Variants in HACE1 observed in about 807,000 individuals in gnomAD.
HACE1 encodes the protein E3 ubiquitin-protein ligase HACE1.
In HACE1, 73 loss-of-function variants were observed where a neutral mutation model predicts 118.4. The ratio of observed to expected loss-of-function variants is 0.62; its 90% CI spans 0.51 to 0.75. The LOEUF (loss-of-function observed/expected upper bound fraction) is 0.75. Among genes scored for constraint, HACE1 ranks in the 30% least tolerant of loss-of-function variants. The pLI is 0.00. For missense variants in HACE1, 749 were observed against 1,102.2 expected, an observed-to-expected ratio of 0.68 and a Z score of 4.54; for synonymous variants, 368 against 374.8, an observed-to-expected ratio of 0.98 and a Z score of 0.21.
chr6:104,756,752 C>A (rs558380461), intron 19 of HACE1, among the ~76,000 whole-genome samples: 3 of 152,168 alleles, frequency 2.0e-5, no homozygotes, highest in Admixed American at 6.5e-5. Context: ...TCGTTTCACC[C>A]GGGAAGCGCA....
Position 104,795,702 on chromosome 6 carries a change from T to TA in HACE1, c.817-18dup. On this transcript the variant is annotated splice_polypyrimidine_tract_variant and intron_variant, in intron 9 of 23. Coordinates refer to ENST00000262903, the MANE Select transcript of HACE1 (RefSeq NM_020771.4). ...TTGCCGTAACTAAATTTTTTACAAA[T>TA]AAAAAAATGTGATTACATAGTAATC... is the stretch of plus-strand genomic sequence containing the variant. The TA allele has an allele frequency of 2.1e-6, 3 of 1,454,326 alleles. No homozygotes were observed. The highest frequency in any genetic ancestry group is 1.9e-6 in the Non-Finnish European group (2 of 1,034,818). The allele number at this position is 1,454,326 out of a possible 1,614,324, so 90.1% of individuals were successfully genotyped here. A position where few individuals can be genotyped will look rare whatever the true frequency, so the allele number is the denominator to read the frequency against.
chr6:104,781,726 C>T (rs901143557), intron 14 of HACE1, among the ~76,000 whole-genome samples: 1 of 152,078 alleles, frequency 6.6e-6, no homozygotes, highest in East Asian at 1.9e-4. Flanking sequence ...CTGCAACCAC[C>T]GCCAACATGG....
chr6:104,753,025 T>A (rs574891082), intron 19 of HACE1, among the ~76,000 whole-genome samples: 1 of 152,202 alleles, frequency 6.6e-6, no homozygotes, highest in Admixed American at 6.5e-5. Context: ...GAAAGAGCTG[T>A]GTTTAATGGA....
intron 5 of HACE1, among the ~76,000 whole-genome samples, chr6:104,835,794 T>C (rs1415804067): frequency 6.6e-6 from 1 of 152,084 alleles, no homozygotes; most frequent in Non-Finnish European, 1.5e-5. Context: ...TTTAGAACAC[T>C]AAGGACAAAG....
chr6:104,823,418 C>T (rs1048708469), intron 6 of HACE1, among the ~76,000 whole-genome samples: 5 of 149,326 alleles, frequency 3.3e-5, no homozygotes, highest in East Asian at 3.9e-4. Context: ...GGCAACACAG[C>T]GAGACTCTGT....
chr6:104,790,068 G>GAA (rs201619324), intron 11 of HACE1, among the ~76,000 whole-genome samples: 4 of 128,052 alleles, frequency 3.1e-5, no homozygotes, highest in Non-Finnish European at 6.8e-5. Context: ...GGCACAATAA[G>GAA]AAAAAAAAAA....
chr6:104,775,061 G>T (rs1315457416), intron 17 of HACE1, among the ~76,000 whole-genome samples: 1 of 152,098 alleles, frequency 6.6e-6, no homozygotes. Context: ...AAAATGTTTG[G>T]CCAGACGTAG....
In HACE1 at chr6:104,777,040, A is replaced by C. The variant is rs552271258; in HGVS notation, c.1749T>G (p.Ala583=). 26 of 1,611,836 alleles carry C rather than the reference A, an allele frequency of 1.6e-5. No homozygotes were observed. The Admixed American group carries it at 4.2e-4, about 26-fold the overall frequency. The change falls in exon 16 of 24, where the codon GCT becomes GCG. Residue 583 remains alanine, a synonymous_variant. Coordinates refer to ENST00000262903, the MANE Select transcript of HACE1 (RefSeq NM_020771.4). ...ANCAKLKQGI[A]VRFHGEEGMG... Reference sequence around the variant, plus strand: ...TGCCTTCTTCTCCATGGAACCGTACAGCAATCCCTTGCTTTAGCTTTGCAC... The same window carrying C: ...TGCCTTCTTCTCCATGGAACCGTACCGCAATCCCTTGCTTTAGCTTTGCAC...
intron 6 of HACE1, among the ~76,000 whole-genome samples, 168 bp from the exon 7 acceptor site, chr6:104,811,561 T>C (rs1771630552): frequency 6.6e-6 from 1 of 152,062 alleles, no homozygotes; most frequent in African/African-American, 2.4e-5. Context: ...CAACTTTTTG[T>C]AAGCTCTAAG....
intron 14 of HACE1, among the ~76,000 whole-genome samples, chr6:104,783,487 T>C (rs1285978927): frequency 6.6e-6 from 1 of 152,218 alleles, no homozygotes; most frequent in African/African-American, 2.4e-5. Flanking sequence ...GCTGCTGTCA[T>C]TATCTCCATT....
intron 3 of HACE1, among the ~76,000 whole-genome samples, chr6:104,849,844 G>A (rs1033747298): frequency 6.7e-6 from 1 of 149,844 alleles, no homozygotes; most frequent in African/African-American, 2.5e-5. Context: ...CAGAGACGGG[G>A]TTTCACCATG....
chr6:104,848,841 A>T, intron 4 of HACE1, among the ~76,000 whole-genome samples: 1 of 152,226 alleles, frequency 6.6e-6, no homozygotes, highest in Non-Finnish European at 1.5e-5. Context: ...TAATACAAGT[A>T]ATAATGAACT....
chr6:104,776,645 C>CA (rs1781251173), intron 17 of HACE1, 96 bp downstream of exon 17: 1 of 804,768 alleles, frequency 1.2e-6, no homozygotes, highest in South Asian at 1.4e-5. Context: ...CCACCTAGCT[C>CA]ACAGGTCTGC....
At chr6:104,841,215 G>A (rs1326079581) in intron 5 of HACE1, among the ~76,000 whole-genome samples, 1 of 151,922 alleles carries the variant, frequency 6.6e-6, no homozygotes, top group Non-Finnish European at 1.5e-5. Context: ...TACAAGCCAG[G>A]TAGAATATTT....
chr6:104,852,716 T>C (rs1293872068), intron 1 of HACE1, among the ~76,000 whole-genome samples: 1 of 152,196 alleles, frequency 6.6e-6, no homozygotes, highest in Non-Finnish European at 1.5e-5. Context: ...CCAAAAACCT[T>C]TCTGTAGCTT....
At chr6:104,738,208 A>C (rs943257696) in intron 22 of HACE1, among the ~76,000 whole-genome samples, 1 of 152,192 alleles carries the variant, frequency 6.6e-6, no homozygotes, top group African/African-American at 2.4e-5. Context: ...TAAAACCACA[A>C]AGATGGGGAA....
chr6:104,811,269 TATATGA>T, intron 7 of HACE1, 36 bp downstream of exon 7: 1 of 548,932 alleles, frequency 1.8e-6, no homozygotes, highest in South Asian at 1.6e-5. Context: ...TATATATATA[TATATGA>T]GCATATATAG....
intron 3 of HACE1, 59 bp downstream of exon 3, chr6:104,850,840 ATGCTGTTC>A: frequency 1.1e-6 from 1 of 939,954 alleles, no homozygotes. Flanking sequence ...TTGTGTGATA[ATGCTGTTC>A]AAAGCTTACT....
chr6:104,832,975 A>G, intron 6 of HACE1, 67 bp downstream of exon 6: 1 of 1,437,102 alleles, frequency 7.0e-7, no homozygotes, highest in South Asian at 1.1e-5. Flanking sequence ...CACAATGAAA[A>G]ACTTTTCATG....
Sources: allele counts gnomAD v4.1 joint callset (sites outside exome capture counted in the v4.1 genomes callset), GRCh38; gene constraint gnomAD v4.1.1; transcripts MANE v1.5; gene names NCBI Gene and HGNC (gene_info 2026-07-23, HGNC 2026-07-21).